The following TTLL7 variants were observed in gnomAD, a reference collection of about 807,000 sequenced individuals.
The protein encoded by TTLL7 is tubulin tyrosine ligase like 7.
In TTLL7, 53 loss-of-function variants were observed where a neutral mutation model predicts 120.2. The observed-to-expected ratio is 0.44, with a 90% CI of 0.35 to 0.55. The LOEUF is 0.55. Ranked by LOEUF, TTLL7 falls within the 20% of genes least tolerant of loss-of-function variation. The pLI is 0.00. For missense variants in TTLL7, 803 were observed against 1,054.7 expected (o/e 0.76, Z 3.31); for synonymous variants, 353 against 351.7 (o/e 1.00, Z -0.04).
intron 1 of TTLL7, among the ~76,000 whole-genome samples, chr1:83,972,962 G>C (rs1404182408): frequency 6.6e-6 from 1 of 151,870 alleles, no homozygotes; most frequent in African/African-American, 2.4e-5. Flanking sequence ...TGTATATTCT[G>C]GATAATAGTC....
At position 83,916,435 on chromosome 1, in the gene TTLL7, G is replaced by A. The variant is rs1396344614; in HGVS notation, c.1587+1169C>T. On this transcript the variant is annotated intron_variant, in intron 14 of 20. Coordinates refer to ENST00000260505, the MANE Select transcript of TTLL7 (RefSeq NM_024686.6). The stretch of plus-strand genomic sequence containing the variant: ...ATGTTCTCACTCATAGGTGGGAATT[G>A]AACAATGAGAACACATGGACACAGG... 4.8e-5 allele frequency among the ~76,000 whole-genome samples: 7 copies of A among 147,084 alleles called. No homozygotes were observed. In the East Asian group the frequency reaches 1.5e-3, roughly 30 times the overall value.
intron 1 of TTLL7, among the ~76,000 whole-genome samples, chr1:83,970,566 A>T (rs1031012725): frequency 6.6e-5 from 10 of 152,238 alleles, no homozygotes; most frequent in Non-Finnish European, 1.3e-4. Flanking sequence ...GGTTTGAGAT[A>T]TCAACAGCAT....
intron 1 of TTLL7, among the ~76,000 whole-genome samples, chr1:83,983,678 A>C (rs1652181856): frequency 6.6e-6 from 1 of 152,368 alleles, no homozygotes; most frequent in Admixed American, 6.5e-5. Flanking sequence ...CAGAGTAAAC[A>C]GACAACCTAC....
chr1:83,892,319 AATATATATGTATATATGAATATATAT>A (rs1557562053), intron 18 of TTLL7, among the ~76,000 whole-genome samples: 2 of 38,108 alleles, frequency 5.2e-5, no homozygotes, highest in African/African-American at 1.6e-4. Flanking sequence ...AATATATATG[AATATATATGTATATATGAATATATAT>A]ACGAATATAT....
chr1:83,884,546 G>A (rs1654807384), intron 19 of TTLL7, among the ~76,000 whole-genome samples: 1 of 151,772 alleles, frequency 6.6e-6, no homozygotes, highest in Non-Finnish European at 1.5e-5. Flanking sequence ...ACTGAAATGA[G>A]TTAATTGAAA....
chr1:83,892,720 A>G (rs1655775301), intron 18 of TTLL7, among the ~76,000 whole-genome samples: 1 of 48,904 alleles, frequency 2.0e-5, no homozygotes, highest in Non-Finnish European at 3.9e-5. Flanking sequence ...ATGAACATAT[A>G]TATGTGAACA....
intron 1 of TTLL7, among the ~76,000 whole-genome samples, chr1:83,959,156 T>A (rs980986900): frequency 6.6e-6 from 1 of 152,206 alleles, no homozygotes; most frequent in Non-Finnish European, 1.5e-5. Flanking sequence ...ATCTGCAAAC[T>A]TCTTAGAAAT....
At chr1:83,943,131 C>T (rs549468949) in intron 6 of TTLL7, among the ~76,000 whole-genome samples, 14 of 152,296 alleles carry the variant, frequency 9.2e-5, no homozygotes, top group African/African-American at 3.1e-4. Context: ...TTTACCAGTG[C>T]TGAGGCAACT....
chr1:83,917,488 G>A, intron 14 of TTLL7, 116 bp downstream of exon 14: 1 of 696,320 alleles, frequency 1.4e-6, no homozygotes, highest in Non-Finnish European at 2.5e-6. Flanking sequence ...CCTGCACTGG[G>A]CACACAGTCC....
intron 1 of TTLL7, among the ~76,000 whole-genome samples, chr1:83,954,161 C>T (rs1436343303): frequency 6.6e-6 from 1 of 151,994 alleles, no homozygotes; most frequent in Non-Finnish European, 1.5e-5. Flanking sequence ...AAGTAGGTGA[C>T]AAAGTCAACA....
chr1:83,892,239 AATATATATGTATATATGAAT>A (rs1247604345), intron 18 of TTLL7, among the ~76,000 whole-genome samples: 1 of 139,082 alleles, frequency 7.2e-6, no homozygotes, highest in Admixed American at 7.4e-5. Flanking sequence ...TATATATATG[AATATATATGTATATATGAAT>A]ATATATACGA....
intron 1 of TTLL7, among the ~76,000 whole-genome samples, chr1:83,964,330 A>G (rs1201105198): frequency 1.3e-5 from 2 of 152,118 alleles, no homozygotes; most frequent in Non-Finnish European, 2.9e-5. Flanking sequence ...GGAATGCAGA[A>G]TAGAATTGGT....
At chr1:83,978,006 T>C (rs1651643187) in intron 1 of TTLL7, among the ~76,000 whole-genome samples, 1 of 152,214 alleles carries the variant, frequency 6.6e-6, no homozygotes, top group South Asian at 2.1e-4. Flanking sequence ...TTCCTCATTT[T>C]AGTCCATTAG....
chr1:83,954,798 A>G (rs1233828539), intron 1 of TTLL7, among the ~76,000 whole-genome samples: 3 of 152,184 alleles, frequency 2.0e-5, no homozygotes, highest in African/African-American at 4.8e-5. Flanking sequence ...AAGAAAACTC[A>G]TAACTTTTTT....
chr1:83,934,121 C>A (rs1571232748), intron 8 of TTLL7, among the ~76,000 whole-genome samples: 1 of 152,182 alleles, frequency 6.6e-6, no homozygotes, highest in Non-Finnish European at 1.5e-5. Context: ...TCTTACTGCA[C>A]CACTACACAC....
chr1:83,922,303 T>A (rs1658740668), intron 10 of TTLL7, among the ~76,000 whole-genome samples: 1 of 152,126 alleles, frequency 6.6e-6, no homozygotes, highest in African/African-American at 2.4e-5. Flanking sequence ...AGGGCCCAGA[T>A]AAGAGTGTAA....
intron 18 of TTLL7, 138 bp from the exon 19 acceptor site, chr1:83,890,619 A>G: frequency 1.7e-6 from 1 of 598,308 alleles, no homozygotes; most frequent in African/African-American, 1.9e-5. Flanking sequence ...CTGTTTTAAA[A>G]ATTAGCCTGG....
At chr1:83,990,000 C>T (rs963363092) in intron 1 of TTLL7, among the ~76,000 whole-genome samples, 4 of 151,948 alleles carry the variant, frequency 2.6e-5, no homozygotes, top group African/African-American at 9.7e-5. Context: ...AGCTTGAATG[C>T]TATTGGTGTA....
At chr1:83,908,765 A>C (rs1459345702) in intron 15 of TTLL7, among the ~76,000 whole-genome samples, 3 of 151,930 alleles carry the variant, frequency 2.0e-5, no homozygotes, top group Non-Finnish European at 4.4e-5. Context: ...TAAAATTCAC[A>C]TGAAGCCAGG....
Sources: allele counts gnomAD v4.1 joint callset (sites outside exome capture counted in the v4.1 genomes callset), GRCh38; gene constraint gnomAD v4.1.1; transcripts MANE v1.5; gene names NCBI Gene and HGNC (gene_info 2026-07-23, HGNC 2026-07-21).